The following GABRA1 variants were observed in gnomAD, a reference collection of about 807,000 sequenced individuals.
GABRA1 encodes gamma-aminobutyric acid receptor subunit alpha-1.
Under a neutral mutation model 48.9 loss-of-function variants are expected in GABRA1, and 9 were observed. The ratio of observed to expected loss-of-function variants is 0.18; its 90% CI spans 0.11 to 0.32. The LOEUF (loss-of-function observed/expected upper bound fraction) is 0.32. GABRA1 is among the 10% of genes least tolerant of loss of function. The pLI is 1.00. For missense variants in GABRA1, 285 were observed against 553.8 expected (o/e 0.51, Z 4.87); for synonymous variants, 210 against 198.7 (o/e 1.06, Z -0.48).
At chr5:161,883,043 G>A (rs750406968) in intron 7 of GABRA1, among the ~76,000 whole-genome samples, 50 of 152,218 alleles carry the variant, frequency 3.3e-4, no homozygotes, top group South Asian at 1.2e-3. Context: ...CCCCTTGCAG[G>A]GTGGTTGGAA....
At chr5:161,889,026 A>G (rs1462284033) in intron 7 of GABRA1, among the ~76,000 whole-genome samples, 1 of 152,072 alleles carries the variant, frequency 6.6e-6, no homozygotes, top group Non-Finnish European at 1.5e-5. Context: ...ATATGTATGT[A>G]GTTAAATAAC....
At chr5:161,869,475 G>T (rs897716739) in intron 4 of GABRA1, among the ~76,000 whole-genome samples, 2 of 152,078 alleles carry the variant, frequency 1.3e-5, no homozygotes, top group African/African-American at 4.8e-5. Flanking sequence ...ACAAAATTAG[G>T]ACAATTCTCT....
At chr5:161,876,598 G>A (rs578129031) in intron 6 of GABRA1, among the ~76,000 whole-genome samples, 10 of 152,090 alleles carry the variant, frequency 6.6e-5, no homozygotes, top group Non-Finnish European at 1.0e-4. Context: ...CATCAGTCCT[G>A]GAGAGAGAAT....
chr5:161,865,855 A>G (rs1017992031), intron 4 of GABRA1, 67 bp downstream of exon 4: 13 of 1,370,054 alleles, frequency 9.5e-6, no homozygotes, highest in Admixed American at 5.0e-5. Flanking sequence ...AAAGAAAAAT[A>G]TAAACTAAGT....
chr5:161,872,852 T>C (rs2113379815), intron 4 of GABRA1, among the ~76,000 whole-genome samples: 1 of 152,306 alleles, frequency 6.6e-6, no homozygotes, highest in East Asian at 1.9e-4. Context: ...ACTTTCCTTT[T>C]ACATATCTGA....
At chr5:161,890,571 T>G (rs146829370) in intron 7 of GABRA1, among the ~76,000 whole-genome samples, 1 of 152,176 alleles carries the variant, frequency 6.6e-6, no homozygotes, top group African/African-American at 2.4e-5. Flanking sequence ...GTTTAGCATA[T>G]TGCCTTCTCA....
At chr5:161,879,531 T>C (rs12188495) in intron 6 of GABRA1, among the ~76,000 whole-genome samples, 29,100 of 152,198 alleles carry the variant, frequency 0.19, 3,430 homozygotes, top group Middle Eastern at 0.31. Context: ...CTTATGCTGA[T>C]GTCTCTGGTC....
chr5:161,857,252 A>T (rs932611065), intron 3 of GABRA1, among the ~76,000 whole-genome samples: 3 of 151,408 alleles, frequency 2.0e-5, no homozygotes, highest in African/African-American at 7.3e-5. Context: ...TAACAACATT[A>T]TGCAAAAAAC....
chr5:161,852,873 GT>G (rs142538078), intron 2 of GABRA1, among the ~76,000 whole-genome samples: 1,590 of 152,000 alleles, frequency 0.01, 31 homozygotes, highest in African/African-American at 0.036. Context: ...AACAGTGTTT[GT>G]TTTTGAAATG....
At chr5:161,864,238 A>C (rs1757967912) in intron 3 of GABRA1, among the ~76,000 whole-genome samples, 1 of 151,988 alleles carries the variant, frequency 6.6e-6, no homozygotes, top group African/African-American at 2.4e-5. Context: ...GTTTTAGGGT[A>C]CATGTGCGCA....
chr5:161,891,323 CATA>C (rs2113447880), intron 8 of GABRA1, among the ~76,000 whole-genome samples: 1 of 152,060 alleles, frequency 6.6e-6, no homozygotes, highest in Admixed American at 6.6e-5. Context: ...GCATAAAATG[CATA>C]ATATTAAAAA....
intron 4 of GABRA1, among the ~76,000 whole-genome samples, chr5:161,867,418 A>G (rs1028353242): frequency 6.6e-6 from 1 of 152,146 alleles, no homozygotes; most frequent in African/African-American, 2.4e-5. Flanking sequence ...GCAAGGCAGT[A>G]CAGTGTGGGG....
chr5:161,878,086 T>A (rs1177039416), intron 6 of GABRA1, among the ~76,000 whole-genome samples: 1 of 152,220 alleles, frequency 6.6e-6, no homozygotes, highest in Non-Finnish European at 1.5e-5. Context: ...CATACTTTGT[T>A]CAGCTTTTCC....
At position 161,848,246 on chromosome 5, in the gene GABRA1, A is replaced by G. The variant is rs1054305039; in HGVS notation, c.-192A>G. The G allele has an allele frequency of 6.6e-6, 1 of 152,160 alleles. No homozygotes were observed. Among genetic ancestry groups the G allele is most frequent in the African/African-American group, 2.4e-5 (1 of 41,412 alleles). 9.4% of individuals were successfully genotyped at this position (152,160 alleles called of 1,614,324 possible). On this transcript the variant is annotated 5_prime_UTR_variant, in exon 1 of 10. Coordinates refer to ENST00000393943, the MANE Select transcript of GABRA1 (RefSeq NM_001127644.2). ...GGTGTGAAATCTTCAGCAAAGGAGC[A>G]CGCAGAGTCCATGATGGCTCAGACC...
At chr5:161,868,095 C>T (rs976878510) in intron 4 of GABRA1, among the ~76,000 whole-genome samples, 1 of 151,820 alleles carries the variant, frequency 6.6e-6, no homozygotes, top group South Asian at 2.1e-4. Context: ...TGCCCTCTTT[C>T]TTATCTGTGT....
chr5:161,868,333 G>A (rs80079147), intron 4 of GABRA1, among the ~76,000 whole-genome samples: 1,546 of 152,176 alleles, frequency 0.01, 33 homozygotes, highest in African/African-American at 0.035. Context: ...CAGCATGGAA[G>A]AGCACAGGAG....
chr5:161,861,526 C>A (rs1019825091), intron 3 of GABRA1, among the ~76,000 whole-genome samples: 6 of 151,742 alleles, frequency 4.0e-5, no homozygotes, highest in Admixed American at 2.6e-4. Flanking sequence ...TCTTGGAATC[C>A]CAAAACACTG....
intron 6 of GABRA1, among the ~76,000 whole-genome samples, chr5:161,880,024 C>T (rs1232927874): frequency 6.6e-6 from 1 of 152,158 alleles, no homozygotes; most frequent in Non-Finnish European, 1.5e-5. Flanking sequence ...TGCACAACCA[C>T]CAAATATCTT....
intron 4 of GABRA1, chr5:161,872,117 T>C (rs957441796): frequency 6.6e-6 from 1 of 152,664 alleles, no homozygotes; most frequent in African/African-American, 2.4e-5. Context: ...AAATGTAGTA[T>C]GATGTTTTCA....
Sources: gnomAD v4.1 joint callset for allele counts (sites outside exome capture counted in the v4.1 genomes callset) on GRCh38, gnomAD v4.1.1 for gene constraint, MANE v1.5 for transcripts, NCBI Gene and HGNC (gene_info 2026-07-23, HGNC 2026-07-21) for gene names.